Variants in CNOT10 observed in about 807,000 individuals in gnomAD.
CNOT10 encodes CCR4-NOT transcription complex subunit 10.
A neutral mutation model predicts 94.6 loss-of-function variants in CNOT10; 30 were observed. That is an observed-to-expected ratio of 0.32 (90% confidence interval 0.24 to 0.43). The LOEUF is 0.43. Ranked by LOEUF, CNOT10 falls within the 20% of genes least tolerant of loss-of-function variation. CNOT10 has a pLI of 1.00. For synonymous variants in CNOT10, 289 were observed against 301.6 expected, an observed-to-expected ratio of 0.96 and a Z score of 0.43; for missense variants, 759 against 877.2, an observed-to-expected ratio of 0.87 and a Z score of 1.70.
chr3:32,757,926 C>T (rs576448891), intron 13 of CNOT10, among the ~76,000 whole-genome samples: 1 of 152,206 alleles, frequency 6.6e-6, no homozygotes, highest in Non-Finnish European at 1.5e-5. Flanking sequence ...TACTCAGGGA[C>T]AAAATATAAA....
Position 32,773,440 on chromosome 3 carries a change from G to T in CNOT10, c.2081-17G>T. 2 of 1,600,098 alleles carry T rather than the reference G, an allele frequency of 1.2e-6. No individual in the cohort carries two copies. The highest frequency in any genetic ancestry group is 1.7e-6 in the Non-Finnish European group (2 of 1,172,806). On this transcript the variant is annotated splice_polypyrimidine_tract_variant and intron_variant, in intron 18 of 18. Transcript: ENST00000328834. ...ATTGTTCTGTGCTTTGTTTTTTAAC[G>T]GGAAGTGTTTTTATAGGTAATACTC... is the stretch of plus-strand genomic sequence containing the variant.
At chr3:32,760,270 C>A (rs12638382) in intron 14 of CNOT10, among the ~76,000 whole-genome samples, 21,458 of 151,920 alleles carry the variant, frequency 0.14, 1,628 homozygotes, top group South Asian at 0.19. Flanking sequence ...ACTGCAAATA[C>A]TTCTTCATTA....
At chr3:32,719,324 G>A (rs1698267450) in intron 7 of CNOT10, among the ~76,000 whole-genome samples, 2 of 152,342 alleles carry the variant, frequency 1.3e-5, no homozygotes, top group African/African-American at 2.4e-5. Flanking sequence ...GGAGGCTGAG[G>A]CAGGAGAATT....
At chr3:32,706,409 G>GT (rs1013508554) in intron 3 of CNOT10, among the ~76,000 whole-genome samples, 51 of 152,280 alleles carry the variant, frequency 3.3e-4, no homozygotes, top group African/African-American at 1.2e-3. Flanking sequence ...AGCTTTTATT[G>GT]TTTATAAGGT....
chr3:32,716,113 A>G (rs1698107341), intron 5 of CNOT10, 112 bp from the exon 6 acceptor site: 2 of 543,692 alleles, frequency 3.7e-6, no homozygotes, highest in Non-Finnish European at 6.4e-6. Context: ...CACAAATTCT[A>G]CATTTTGAAA....
intron 5 of CNOT10, 79 bp from the exon 6 acceptor site, chr3:32,716,146 T>C: frequency 1.4e-6 from 1 of 728,988 alleles, no homozygotes; most frequent in Non-Finnish European, 2.2e-6. Context: ...TAATTTAGAT[T>C]AGCTCACTTG....
At chr3:32,720,859 C>CCCTT (rs1169334696) in intron 8 of CNOT10, among the ~76,000 whole-genome samples, 1 of 137,882 alleles carries the variant, frequency 7.3e-6, no homozygotes, top group Admixed American at 7.4e-5. Context: ...CTCCCTTCCT[C>CCCTT]CCTTCCCTCC....
chr3:32,770,102 G>C, intron 18 of CNOT10, 140 bp downstream of exon 18: 1 of 631,620 alleles, frequency 1.6e-6, no homozygotes, highest in Admixed American at 2.6e-5. Flanking sequence ...AAACTCCTAG[G>C]CTCAAGCAGC....
At chr3:32,758,718 T>G (rs1303234621) in intron 13 of CNOT10, among the ~76,000 whole-genome samples, 1 of 152,248 alleles carries the variant, frequency 6.6e-6, no homozygotes, top group Non-Finnish European at 1.5e-5. Flanking sequence ...GATCTATTAG[T>G]ATTAAGTCTT....
At position 32,716,268 on chromosome 3, in the gene CNOT10, A is replaced by G; in HGVS notation, c.617A>G (p.Glu206Gly). ...NNKDGSNHKA[E>G]SGALIEAAKS... ...AAAGATGGATCTAATCATAAAGCTG[A>G]AAGTGGAGCTCTAATAGAAGCTGCA... The change falls in exon 6 of 19, where the codon GAA (glutamate) becomes GGA (glycine). Residue 206 changes from glutamate (E) to glycine (G), a missense_variant. Around this residue, in one of 3 missense-constraint regions of CNOT10, gnomAD observed 682 missense variants for 799.4 expected, o/e 0.85. Coordinates refer to ENST00000328834, the MANE Select transcript of CNOT10 (RefSeq NM_015442.3). 6.2e-7 allele frequency: 1 copy of G among 1,606,222 alleles called. No individual in the cohort carries two copies. Among genetic ancestry groups the G allele is most frequent in the Non-Finnish European group, 8.5e-7 (1 of 1,175,874 alleles).
At chr3:32,709,420 C>CT (rs1484963635) in intron 4 of CNOT10, among the ~76,000 whole-genome samples, 6 of 151,990 alleles carry the variant, frequency 3.9e-5, no homozygotes, top group South Asian at 2.1e-4. Flanking sequence ...ACATTTTTGT[C>CT]TTTTTTTTCC....
intron 17 of CNOT10, among the ~76,000 whole-genome samples, chr3:32,767,744 T>C (rs1700713493): frequency 6.6e-6 from 1 of 152,114 alleles, no homozygotes; most frequent in Non-Finnish European, 1.5e-5. Context: ...GCATTGAGTG[T>C]ATGAGTTAAA....
At chr3:32,770,771 A>G (rs1167625645) in intron 18 of CNOT10, among the ~76,000 whole-genome samples, 3 of 150,084 alleles carry the variant, frequency 2.0e-5, no homozygotes, top group Admixed American at 6.7e-5. Context: ...CAGTGGCACT[A>G]TCTCAGCTCA....
At chr3:32,702,810 G>T (rs1697416463) in intron 1 of CNOT10, among the ~76,000 whole-genome samples, 2 of 152,074 alleles carry the variant, frequency 1.3e-5, no homozygotes, top group South Asian at 4.1e-4. Flanking sequence ...TTATTTAAGT[G>T]GGCAGGTTTT....
At chr3:32,687,943 G>A (rs1219854861) in intron 1 of CNOT10, among the ~76,000 whole-genome samples, 3 of 152,108 alleles carry the variant, frequency 2.0e-5, no homozygotes, top group Non-Finnish European at 4.4e-5. Context: ...CTTACATGCT[G>A]CTTCCTCTCT....
chr3:32,731,071 T>C (rs1197398927), intron 10 of CNOT10: 2 of 152,194 alleles, frequency 1.3e-5, no homozygotes, highest in African/African-American at 4.8e-5. Flanking sequence ...GAGAAGAGAA[T>C]ATGGATGAAT....
intron 4 of CNOT10, among the ~76,000 whole-genome samples, chr3:32,711,401 G>A (rs1290010937): frequency 1.3e-5 from 2 of 152,084 alleles, no homozygotes; most frequent in Non-Finnish European, 2.9e-5. Context: ...ATTGTTTAGG[G>A]AACAATGATG....
intron 18 of CNOT10, among the ~76,000 whole-genome samples, chr3:32,772,242 C>T (rs908772890): frequency 6.6e-6 from 1 of 152,238 alleles, no homozygotes; most frequent in Admixed American, 6.6e-5. Context: ...TCCAGCTACT[C>T]AGCAGGCTGA....
At chr3:32,726,540 A>G (rs1251053496) in intron 9 of CNOT10, among the ~76,000 whole-genome samples, 1 of 151,538 alleles carries the variant, frequency 6.6e-6, no homozygotes, top group Admixed American at 6.6e-5. Context: ...TAAAAATACA[A>G]AAAAAATTAG....
Sources: allele counts gnomAD v4.1 joint callset (sites outside exome capture counted in the v4.1 genomes callset), GRCh38; gene constraint gnomAD v4.1.1; regional missense constraint gnomAD v4.1.1; transcripts MANE v1.5; gene names NCBI Gene and HGNC (gene_info 2026-07-23, HGNC 2026-07-21).